Variants in GOLM2 observed in about 807,000 individuals in gnomAD.
GOLM2 encodes the protein golgi membrane protein 2, also known as protein GOLM2.
Under a neutral mutation model 55.9 loss-of-function variants are expected in GOLM2, and 26 were observed. The observed-to-expected ratio is 0.47, with a 90% CI of 0.34 to 0.65. The LOEUF is 0.65. GOLM2 is among the 30% of genes least tolerant of loss of function. The probability of loss-of-function intolerance (pLI) is 0.01; values close to 1 mark genes in which losing one functional copy is unlikely to be tolerated. For missense variants in GOLM2, 486 were observed against 531.8 expected (o/e 0.91, Z 0.85); for synonymous variants, 165 against 194.6 (o/e 0.85, Z 1.27).
Position 44,296,719 on chromosome 15 carries a change from A to G in GOLM2, c.327+7363A>G, listed in dbSNP as rs140448861. The stretch of plus-strand genomic sequence containing the variant: ...CAAGATCTGGTCCCAGCCCTAGCCT[A>G]CCTGCCTCACCCTTTGCTCCTGAAT... On this transcript the variant is annotated intron_variant, in intron 1 of 9. Coordinates refer to ENST00000299957, the MANE Select transcript of GOLM2 (RefSeq NM_138423.4). Among the ~76,000 whole-genome samples the G allele has an allele frequency of 2.0e-3, 297 of 152,082 alleles. 1 individual carries two copies. Among genetic ancestry groups the G allele is most frequent in the African/African-American group, 6.8e-3 (280 of 41,476 alleles).
chr15:44,289,197 C>G lies in GOLM2; in HGVS notation c.168C>G (p.Thr56=), dbSNP rs143215121. The change falls in exon 1 of 10, where the codon ACC becomes ACG. Residue 56 remains threonine, a synonymous_variant. Coordinates refer to ENST00000299957, the MANE Select transcript of GOLM2 (RefSeq NM_138423.4). The surrounding 1 kb of genome is among the most constrained non-coding windows in gnomAD (Gnocchi z 4.8). ...AGCTGCAGGGCCAGGTCCAGCGCACCGAAGTGGCCCGCGGGCGGCTGGAAA... is the reference window on the plus strand; with the variant it reads ...AGCTGCAGGGCCAGGTCCAGCGCACGGAAGTGGCCCGCGGGCGGCTGGAAA... ...VAELQGQVQR[T]EVARGRLEKR... The G allele has an allele frequency of 3.1e-5, 50 of 1,614,178 alleles. No individual in the cohort carries two copies. The African/African-American group carries it at 5.7e-4, about 18-fold the overall frequency.
chr15:44,388,236 T>A (rs1229526789), intron 8 of GOLM2, among the ~76,000 whole-genome samples: 2 of 139,194 alleles, frequency 1.4e-5, no homozygotes, highest in Non-Finnish European at 3.0e-5. Flanking sequence ...ATTGCGCCAC[T>A]GTACTCCAGC....
intron 1 of GOLM2, among the ~76,000 whole-genome samples, chr15:44,292,279 G>A (rs1039246264): frequency 4.1e-5 from 6 of 146,768 alleles, no homozygotes; most frequent in African/African-American, 1.5e-4. Flanking sequence ...CTCACTGCAA[G>A]CTCCGCCTCC....
intron 6 of GOLM2, among the ~76,000 whole-genome samples, chr15:44,340,123 ATTTTC>A (rs1318469729): frequency 6.6e-6 from 1 of 151,812 alleles, no homozygotes; most frequent in Non-Finnish European, 1.5e-5. Flanking sequence ...TGCCCAGCCT[ATTTTC>A]TTTATTTTTT....
chr15:44,342,340 C>G (rs1251590134), intron 6 of GOLM2, among the ~76,000 whole-genome samples: 2 of 152,010 alleles, frequency 1.3e-5, no homozygotes, highest in Non-Finnish European at 2.9e-5. Flanking sequence ...TCATGGCTCA[C>G]TGCAGCCTTG....
In GOLM2 at chr15:44,378,344, C is replaced by T. The variant is rs1003427030; in HGVS notation, c.803-1346C>T. ...TGCTGGAATTATAGGCGTGAGCCAC[C>T]GCGCCAGGACTTTTTTTTTTTTTTT... On this transcript the variant is annotated intron_variant, in intron 6 of 9. Coordinates refer to ENST00000299957, the MANE Select transcript of GOLM2 (RefSeq NM_138423.4). Among the ~76,000 whole-genome samples the T allele has an allele frequency of 2.0e-5, 3 of 149,944 alleles. No individual in the cohort carries two copies. The East Asian group carries it at 5.9e-4, about 29-fold the overall frequency.
chr15:44,356,865 T>C (rs76595877), intron 6 of GOLM2, among the ~76,000 whole-genome samples: 7,481 of 152,206 alleles, frequency 0.049, 302 homozygotes, highest in East Asian at 0.2. Context: ...CAAGTTGAAT[T>C]CAACAATGTA....
At chr15:44,366,310 A>AACAAAAC (rs1567036400) in intron 6 of GOLM2, among the ~76,000 whole-genome samples, 2,410 of 150,530 alleles carry the variant, frequency 0.016, 74 homozygotes, top group East Asian at 0.096. Context: ...AAAAAAAAAA[A>AACAAAAC]AAAACAAAAC....
In GOLM2 at chr15:44,379,349, C is replaced by T. The variant is rs916433152; in HGVS notation, c.803-341C>T. ...AAACTTACCCGGGCGTGGTGGCGAG[C>T]GCCTATAATCCTAGCTATTACGGAG... is the stretch of plus-strand genomic sequence containing the variant. On this transcript the variant is annotated intron_variant, in intron 6 of 9. Transcript: ENST00000299957. 1.3e-3 allele frequency among the ~76,000 whole-genome samples: 201 copies of T among 152,072 alleles called. 1 individual carries two copies. Among genetic ancestry groups the T allele is most frequent in the African/African-American group, 4.6e-3 (190 of 41,490 alleles).
In GOLM2 at chr15:44,402,942, G is replaced by A. The variant is rs770196607; in HGVS notation, c.1128G>A (p.Leu376=). The change falls in exon 9 of 10, where the codon CTG becomes CTA. Residue 376 remains leucine (L), a synonymous_variant. Coordinates refer to ENST00000299957, the MANE Select transcript of GOLM2 (RefSeq NM_138423.4). ...SPVDPQHGSK[L]ADYNGDDGNV... ...TTGATCCGCAGCATGGCTCTAAACTGGCGGATTATAATGGGGATGATGGTA... is the reference window on the plus strand; with the variant it reads ...TTGATCCGCAGCATGGCTCTAAACTAGCGGATTATAATGGGGATGATGGTA... 58 of 1,614,044 alleles carry A rather than the reference G, an allele frequency of 3.6e-5. 1 individual carries two copies. The Middle Eastern group carries it at 9.9e-4, about 28-fold the overall frequency.
At chr15:44,366,036 G>A (rs752823849) in intron 6 of GOLM2, among the ~76,000 whole-genome samples, 17 of 152,046 alleles carry the variant, frequency 1.1e-4, no homozygotes, top group Non-Finnish European at 2.4e-4. Flanking sequence ...GGTGGCTCAC[G>A]CCTGTAATCC....
intron 8 of GOLM2, among the ~76,000 whole-genome samples, chr15:44,388,795 T>A (rs1310369134): frequency 6.6e-6 from 1 of 152,070 alleles, no homozygotes; most frequent in Non-Finnish European, 1.5e-5. Flanking sequence ...TTTATAGGCA[T>A]GCATCACTGA....
At chr15:44,385,330 CCCTCCCTCCCTT>C (rs2079436246) in intron 8 of GOLM2, among the ~76,000 whole-genome samples, 1 of 132,074 alleles carries the variant, frequency 7.6e-6, no homozygotes, top group East Asian at 2.7e-4. Flanking sequence ...CACATCCCCT[CCCTCCCTCCCTT>C]CCTCCCTCCC....
At chr15:44,311,291 A>G (rs894386539) in intron 1 of GOLM2, among the ~76,000 whole-genome samples, 1 of 152,110 alleles carries the variant, frequency 6.6e-6, no homozygotes, top group African/African-American at 2.4e-5. Flanking sequence ...AACAGGTTTT[A>G]CTTCCCTAAA....
intron 1 of GOLM2, among the ~76,000 whole-genome samples, chr15:44,301,715 T>C (rs769485219): frequency 2.0e-5 from 3 of 152,106 alleles, no homozygotes; most frequent in Non-Finnish European, 2.9e-5. Flanking sequence ...GTTCCAGATG[T>C]AGAATGTTGC....
At chr15:44,299,441 C>T (rs936543411) in intron 1 of GOLM2, among the ~76,000 whole-genome samples, 2 of 151,902 alleles carry the variant, frequency 1.3e-5, no homozygotes, top group South Asian at 2.1e-4. Flanking sequence ...TACAGGCACG[C>T]ACCACCACAC....
At chr15:44,291,743 G>A (rs187282124) in intron 1 of GOLM2, among the ~76,000 whole-genome samples, 1 of 152,174 alleles carries the variant, frequency 6.6e-6, no homozygotes, top group African/African-American at 2.4e-5. Context: ...ACCTAGTAAG[G>A]GACTCTGTTA....
intron 6 of GOLM2, among the ~76,000 whole-genome samples, chr15:44,339,163 C>T (rs1396013256): frequency 6.6e-6 from 1 of 151,942 alleles, no homozygotes; most frequent in Non-Finnish European, 1.5e-5. Context: ...AATATTTGTC[C>T]TTTCATTTAT....
intron 6 of GOLM2, among the ~76,000 whole-genome samples, chr15:44,352,003 A>G (rs896200050): frequency 6.6e-6 from 1 of 152,194 alleles, no homozygotes; most frequent in African/African-American, 2.4e-5. Context: ...ATACTACCCA[A>G]AGCAGTCACA....
Sources: allele counts gnomAD v4.1 joint callset (sites outside exome capture counted in the v4.1 genomes callset), GRCh38; gene constraint gnomAD v4.1.1; non-coding constraint Gnocchi (gnomAD v3.1); transcripts MANE v1.5; gene names NCBI Gene and HGNC (gene_info 2026-07-23, HGNC 2026-07-21).